The following ROR1 variants were observed in gnomAD, a reference collection of about 807,000 sequenced individuals.
The protein encoded by ROR1 is inactive tyrosine-protein kinase transmembrane receptor ROR1.
ROR1 carries 19 observed loss-of-function variants against 78.8 expected under a neutral mutation model. The observed-to-expected ratio is 0.24, with a 90% CI of 0.17 to 0.35. The LOEUF is 0.35. ROR1 is among the 10% of genes least tolerant of loss of function. ROR1 has a pLI of 1.00. For missense variants in ROR1, 917 were observed against 1,177.8 expected, an observed-to-expected ratio of 0.78 and a Z score of 3.24; for synonymous variants, 386 against 433.6, an observed-to-expected ratio of 0.89 and a Z score of 1.36.
At chr1:64,139,577 T>C (rs1649234762) in intron 5 of ROR1, among the ~76,000 whole-genome samples, 1 of 152,234 alleles carries the variant, frequency 6.6e-6, no homozygotes, top group Non-Finnish European at 1.5e-5. Context: ...TTTGAGAACT[T>C]CCAAGTGAGT....
intron 1 of ROR1, among the ~76,000 whole-genome samples, chr1:63,835,934 C>T (rs993791076): frequency 3.9e-5 from 6 of 152,128 alleles, no homozygotes; most frequent in African/African-American, 1.2e-4. Flanking sequence ...TGACACTAGC[C>T]CCACAGAAAC....
At chr1:63,949,530 A>G (rs1401020957) in intron 1 of ROR1, among the ~76,000 whole-genome samples, 1 of 152,164 alleles carries the variant, frequency 6.6e-6, no homozygotes, top group Non-Finnish European at 1.5e-5. Flanking sequence ...AGAGGCTTAG[A>G]GTGTTCCAGC....
chr1:63,858,162 C>T (rs1645159998), intron 1 of ROR1, among the ~76,000 whole-genome samples: 2 of 152,152 alleles, frequency 1.3e-5, no homozygotes, highest in East Asian at 3.9e-4. Context: ...TCAGCTTTTC[C>T]TTGAAGGTTT....
At chr1:63,818,252 A>G (rs1434933998) in intron 1 of ROR1, among the ~76,000 whole-genome samples, 3 of 152,176 alleles carry the variant, frequency 2.0e-5, no homozygotes, top group Admixed American at 2.0e-4. Context: ...TTTGCCTAAC[A>G]TGAATCTTGG....
intron 1 of ROR1, among the ~76,000 whole-genome samples, chr1:63,955,466 T>C (rs1048758940): frequency 2.6e-5 from 4 of 152,210 alleles, no homozygotes; most frequent in Non-Finnish European, 5.9e-5. Context: ...ACTTATTTTC[T>C]TTTTAAGAAC....
At chr1:64,012,523 C>T (rs1646484456) in intron 2 of ROR1, among the ~76,000 whole-genome samples, 1 of 152,266 alleles carries the variant, frequency 6.6e-6, no homozygotes, top group Non-Finnish European at 1.5e-5. Flanking sequence ...TCTCAACATC[C>T]TCATGCATGA....
chr1:63,853,727 T>C (rs2100334316), intron 1 of ROR1, among the ~76,000 whole-genome samples: 1 of 152,344 alleles, frequency 6.6e-6, no homozygotes, highest in Non-Finnish European at 1.5e-5. Flanking sequence ...TCATTACCAA[T>C]GGAGCATGAA....
At chr1:63,819,080 T>C (rs927197560) in intron 1 of ROR1, among the ~76,000 whole-genome samples, 4 of 152,156 alleles carry the variant, frequency 2.6e-5, no homozygotes, top group African/African-American at 9.7e-5. Flanking sequence ...CCTCTGAGGA[T>C]CCTTGTCAGA....
intron 1 of ROR1, among the ~76,000 whole-genome samples, chr1:63,823,651 C>G (rs866896752): frequency 6.6e-6 from 1 of 151,786 alleles, no homozygotes; most frequent in Non-Finnish European, 1.5e-5. Flanking sequence ...GGGGGTCTTG[C>G]TATGTTGCAC....
chr1:63,921,868 G>C (rs1645657525), intron 1 of ROR1, among the ~76,000 whole-genome samples: 1 of 152,132 alleles, frequency 6.6e-6, no homozygotes, highest in Non-Finnish European at 1.5e-5. Context: ...ATGCACAAAA[G>C]CTCTTGGGAA....
intron 2 of ROR1, among the ~76,000 whole-genome samples, chr1:64,017,055 C>T (rs1306165686): frequency 6.6e-6 from 1 of 151,832 alleles, no homozygotes; most frequent in African/African-American, 2.4e-5. Flanking sequence ...TCGCTGGGAC[C>T]ACAGGTGCAC....
At chr1:63,825,302 A>G (rs570556467) in intron 1 of ROR1, among the ~76,000 whole-genome samples, 1 of 152,368 alleles carries the variant, frequency 6.6e-6, no homozygotes, top group Admixed American at 6.5e-5. Context: ...GTGAATGGAT[A>G]AACAAAATGT....
intron 4 of ROR1, among the ~76,000 whole-genome samples, chr1:64,070,611 C>A (rs1260500026): frequency 6.6e-6 from 1 of 152,124 alleles, no homozygotes; most frequent in African/African-American, 2.4e-5. Flanking sequence ...TGAGCCACCA[C>A]ACCTGGCCTA....
At chr1:64,160,310 T>G (rs1303609105) in intron 8 of ROR1, among the ~76,000 whole-genome samples, 1 of 152,098 alleles carries the variant, frequency 6.6e-6, no homozygotes, top group Non-Finnish European at 1.5e-5. Flanking sequence ...TTTAAATTTT[T>G]TTTATCTAAA....
intron 1 of ROR1, among the ~76,000 whole-genome samples, chr1:63,800,231 A>G (rs1392327445): frequency 2.0e-5 from 3 of 152,170 alleles, no homozygotes; most frequent in Admixed American, 1.3e-4. Context: ...TAATTCCTTA[A>G]GATATTCTGA....
At chr1:63,899,931 C>G (rs77368335) in intron 1 of ROR1, among the ~76,000 whole-genome samples, 3,569 of 151,954 alleles carry the variant, frequency 0.023, 143 homozygotes, top group African/African-American at 0.082. Context: ...TCCGAACAGA[C>G]ACCATATGGG....
At chr1:64,037,422 G>C (rs922854132) in intron 2 of ROR1, among the ~76,000 whole-genome samples, 8 of 152,254 alleles carry the variant, frequency 5.3e-5, no homozygotes, top group African/African-American at 1.9e-4. Flanking sequence ...TTGCTAGCCC[G>C]AGCTGCAGTT....
intron 1 of ROR1, among the ~76,000 whole-genome samples, chr1:63,816,602 A>G (rs1239673024): frequency 2.0e-5 from 3 of 152,100 alleles, no homozygotes; most frequent in Non-Finnish European, 4.4e-5. Context: ...AAATGGACTA[A>G]TAGAGTGATT....
intron 1 of ROR1, among the ~76,000 whole-genome samples, chr1:63,879,176 C>T (rs1213072875): frequency 1.3e-5 from 2 of 152,034 alleles, no homozygotes; most frequent in Middle Eastern, 3.2e-3. Flanking sequence ...AAAAAGGAAA[C>T]CCAAGCAGAT....
Sources: gnomAD v4.1 joint callset for allele counts (sites outside exome capture counted in the v4.1 genomes callset) on GRCh38, gnomAD v4.1.1 for gene constraint, MANE v1.5 for transcripts, NCBI Gene and HGNC (gene_info 2026-07-23, HGNC 2026-07-21) for gene names.